Variants in CAMK1D observed in about 807,000 individuals in gnomAD.
The protein encoded by CAMK1D is calcium/calmodulin-dependent protein kinase type 1D.
A neutral mutation model predicts 47.7 loss-of-function variants in CAMK1D; 9 were observed. The ratio of observed to expected loss-of-function variants is 0.19; its 90% CI spans 0.11 to 0.33. CAMK1D has a LOEUF of 0.33. Among genes scored for constraint, CAMK1D ranks in the 10% least tolerant of loss-of-function variants. The probability of loss-of-function intolerance (pLI) is 1.00; values close to 1 mark genes in which losing one functional copy is unlikely to be tolerated. For missense variants in CAMK1D, 291 were observed against 488.7 expected (o/e 0.60, Z 3.81); for synonymous variants, 184 against 184.9 (o/e 0.99, Z 0.04).
At chr10:12,586,665 C>T (rs1461305536) in intron 2 of CAMK1D, among the ~76,000 whole-genome samples, 1 of 152,098 alleles carries the variant, frequency 6.6e-6, no homozygotes, top group South Asian at 2.1e-4. Context: ...AACCGCCACC[C>T]TCCTGCTGCC....
chr10:12,577,838 C>A (rs2132330581), intron 2 of CAMK1D, among the ~76,000 whole-genome samples: 1 of 152,330 alleles, frequency 6.6e-6, no homozygotes, highest in East Asian at 1.9e-4. Flanking sequence ...ACGTGGTGTC[C>A]TCCTTGTTAC....
intron 2 of CAMK1D, among the ~76,000 whole-genome samples, chr10:12,568,971 G>GT (rs914262958): frequency 2.6e-5 from 4 of 151,700 alleles, no homozygotes; most frequent in African/African-American, 2.4e-5. Context: ...GAGTGGGAAA[G>GT]TTTTTTTTTC....
At chr10:12,388,648 C>T (rs1838609020) in intron 1 of CAMK1D, among the ~76,000 whole-genome samples, 1 of 152,196 alleles carries the variant, frequency 6.6e-6, no homozygotes, top group Non-Finnish European at 1.5e-5. Context: ...CACATCGCAC[C>T]TGACATGCGT....
intron 5 of CAMK1D, among the ~76,000 whole-genome samples, chr10:12,782,346 A>G (rs1237849382): frequency 6.6e-6 from 1 of 152,098 alleles, no homozygotes; most frequent in African/African-American, 2.4e-5. Context: ...AGCTGACCTG[A>G]CCCAGCACAT....
intron 2 of CAMK1D, 93 bp downstream of exon 2, chr10:12,553,449 G>A (rs891509053): frequency 2.8e-6 from 3 of 1,067,616 alleles, no homozygotes; most frequent in Non-Finnish European, 4.3e-6. Context: ...TTCCCCGGGG[G>A]CAGAGGGGCC....
At chr10:12,751,926 G>A (rs1836004806) in intron 3 of CAMK1D, among the ~76,000 whole-genome samples, 1 of 152,070 alleles carries the variant, frequency 6.6e-6, no homozygotes, top group Non-Finnish European at 1.5e-5. Context: ...GCAATAGACA[G>A]GCAATATTTG....
chr10:12,454,461 C>T lies in CAMK1D; in HGVS notation c.93-98764C>T, dbSNP rs981092396. ...ACAGGTGTGAGCCACCACTCCCGGCCGAATTTTAATTTTTTTTTAGAGACA... is the reference window on the plus strand; with the variant it reads ...ACAGGTGTGAGCCACCACTCCCGGCTGAATTTTAATTTTTTTTTAGAGACA... On this transcript the variant is annotated intron_variant, in intron 1 of 10. Coordinates refer to ENST00000619168, the MANE Select transcript of CAMK1D (RefSeq NM_153498.4). 5.9e-5 allele frequency among the ~76,000 whole-genome samples: 9 copies of T among 152,082 alleles called. No individual in the cohort carries two copies. In the South Asian group the frequency reaches 1.0e-3, roughly 18 times the overall value.
At chr10:12,619,222 G>C (rs1460274823) in intron 2 of CAMK1D, among the ~76,000 whole-genome samples, 1 of 152,104 alleles carries the variant, frequency 6.6e-6, no homozygotes, top group Non-Finnish European at 1.5e-5. Context: ...TGGCATTACT[G>C]TTATCCCTGT....
chr10:12,504,108 G>GGGGGGT (rs149803598), intron 1 of CAMK1D, among the ~76,000 whole-genome samples: 56 of 147,754 alleles, frequency 3.8e-4, no homozygotes, highest in African/African-American at 8.3e-4. Flanking sequence ...CAATAAGATG[G>GGGGGGT]GTGTGTGTGT....
chr10:12,615,793 A>G (rs1838779852), intron 2 of CAMK1D, among the ~76,000 whole-genome samples: 1 of 144,496 alleles, frequency 6.9e-6, no homozygotes, highest in Non-Finnish European at 1.5e-5. Flanking sequence ...TGTAGTGTGT[A>G]GGTATGTGTT....
chr10:12,642,412 T>C (rs1839692647), intron 2 of CAMK1D, among the ~76,000 whole-genome samples: 1 of 152,220 alleles, frequency 6.6e-6, no homozygotes, highest in African/African-American at 2.4e-5. Flanking sequence ...AGTTACACGA[T>C]GGATGATAGC....
At chr10:12,503,736 A>G (rs1207071096) in intron 1 of CAMK1D, among the ~76,000 whole-genome samples, 2 of 152,148 alleles carry the variant, frequency 1.3e-5, no homozygotes, top group Admixed American at 6.5e-5. Flanking sequence ...TTCCATGATG[A>G]TTGGGCCAAC....
At chr10:12,786,327 T>C (rs931867381) in intron 5 of CAMK1D, among the ~76,000 whole-genome samples, 11 of 152,200 alleles carry the variant, frequency 7.2e-5, no homozygotes, top group Admixed American at 5.9e-4. Context: ...CCACCTCTAA[T>C]TGGTTAAAAA....
At chr10:12,686,532 C>T (rs545688103) in intron 3 of CAMK1D, among the ~76,000 whole-genome samples, 3 of 152,166 alleles carry the variant, frequency 2.0e-5, no homozygotes, top group South Asian at 2.1e-4. Flanking sequence ...CCATGTTGGT[C>T]GGGCTGGTCT....
chr10:12,450,399 T>A (rs1011188792), intron 1 of CAMK1D, among the ~76,000 whole-genome samples: 1 of 152,130 alleles, frequency 6.6e-6, no homozygotes, highest in African/African-American at 2.4e-5. Context: ...TTATGTTTAA[T>A]ACCATTAGGA....
In CAMK1D at chr10:12,711,568, G is replaced by T. The variant is rs371569867; in HGVS notation, c.299+44758G>T. ...AAAATCATCTGCCAGGGTATTTGCT[G>T]CTTCTTGGTACTGCTTGCTGCTCTT... On this transcript the variant is annotated intron_variant, in intron 3 of 10. Coordinates refer to ENST00000619168, the MANE Select transcript of CAMK1D (RefSeq NM_153498.4). Among the ~76,000 whole-genome samples the T allele has an allele frequency of 2.0e-5, 3 of 152,292 alleles. No individual in the cohort carries two copies. The East Asian group carries it at 5.8e-4, about 29-fold the overall frequency.
At chr10:12,381,365 G>A (rs1457460745) in intron 1 of CAMK1D, among the ~76,000 whole-genome samples, 2 of 149,082 alleles carry the variant, frequency 1.3e-5, no homozygotes, top group South Asian at 2.1e-4. Context: ...TTTTTGAGAC[G>A]GATTCTCCTT....
At chr10:12,669,717 A>G (rs1302053456) in intron 3 of CAMK1D, among the ~76,000 whole-genome samples, 1 of 152,180 alleles carries the variant, frequency 6.6e-6, no homozygotes, top group Non-Finnish European at 1.5e-5. Flanking sequence ...CTAGTCAACC[A>G]GTGACCTACT....
chr10:12,449,331 G>A (rs571030736), intron 1 of CAMK1D, among the ~76,000 whole-genome samples: 3 of 151,998 alleles, frequency 2.0e-5, no homozygotes, highest in Non-Finnish European at 4.4e-5. Flanking sequence ...AGCTGCTCCC[G>A]TGTTGAGAGT....
Sources: allele counts gnomAD v4.1 joint callset (sites outside exome capture counted in the v4.1 genomes callset), GRCh38; gene constraint gnomAD v4.1.1; transcripts MANE v1.5; gene names NCBI Gene and HGNC (gene_info 2026-07-23, HGNC 2026-07-21).